The following SGCZ variants were observed in gnomAD, a reference collection of about 807,000 sequenced individuals.
The protein encoded by SGCZ is zeta-sarcoglycan.
SGCZ carries 40 observed loss-of-function variants against 41.3 expected under a neutral mutation model. That is an observed-to-expected ratio of 0.97 (90% CI 0.75 to 1.26). The LOEUF (loss-of-function observed/expected upper bound fraction) is 1.26. Ranked by LOEUF, SGCZ falls within the 50% of genes most tolerant of loss-of-function variation. The pLI is 0.00. For synonymous variants in SGCZ, 206 were observed against 137.5 expected, an observed-to-expected ratio of 1.50 and a Z score of -3.49; for missense variants, 552 against 369.8, an observed-to-expected ratio of 1.49 and a Z score of -4.04.
chr8:15,222,275 A>C (rs1563192519), intron 1 of SGCZ, among the ~76,000 whole-genome samples: 1 of 152,138 alleles, frequency 6.6e-6, no homozygotes, highest in Admixed American at 6.5e-5. Context: ...GGGAGAGAGA[A>C]TCTCACTAGT....
At chr8:15,090,470 T>C (rs1806118352) in intron 1 of SGCZ, among the ~76,000 whole-genome samples, 1 of 152,156 alleles carries the variant, frequency 6.6e-6, no homozygotes, top group Non-Finnish European at 1.5e-5. Context: ...CTAAGTCATG[T>C]CCAATCAGGC....
intron 5 of SGCZ, among the ~76,000 whole-genome samples, chr8:14,148,384 ATTAGTAGTTAC>A (rs1186865379): frequency 6.6e-6 from 1 of 152,122 alleles, no homozygotes; most frequent in Admixed American, 6.5e-5. Flanking sequence ...CCAAAACGTC[ATTAGTAGTTAC>A]TATGAGCAAC....
intron 1 of SGCZ, among the ~76,000 whole-genome samples, chr8:14,782,681 T>TTATTAATAAAAAATCTGCTAATAATA (rs745738881): frequency 1.3e-5 from 2 of 152,052 alleles, no homozygotes; most frequent in Non-Finnish European, 2.9e-5. Flanking sequence ...GAGATGGTTA[T>TTATTAATAAAAAATCTGCTAATAATA]AGAAAAAAAA....
At chr8:14,459,598 CA>C (rs1373544072) in intron 2 of SGCZ, among the ~76,000 whole-genome samples, 1 of 151,902 alleles carries the variant, frequency 6.6e-6, no homozygotes, top group Non-Finnish European at 1.5e-5. Context: ...GTATCTATCT[CA>C]AGACATTTAT....
chr8:14,758,203 G>A (rs957244663), intron 1 of SGCZ, among the ~76,000 whole-genome samples: 2 of 152,092 alleles, frequency 1.3e-5, no homozygotes. Flanking sequence ...TCATCTGCCT[G>A]GTTTACAAAT....
intron 1 of SGCZ, among the ~76,000 whole-genome samples, chr8:14,671,080 C>T (rs376970665): frequency 1.3e-5 from 2 of 152,228 alleles, no homozygotes; most frequent in Non-Finnish European, 2.9e-5. Context: ...TCCTCTTCTT[C>T]AGTGTCTCTG....
At chr8:14,954,147 A>G (rs1800726331) in intron 1 of SGCZ, among the ~76,000 whole-genome samples, 1 of 152,224 alleles carries the variant, frequency 6.6e-6, no homozygotes, top group African/African-American at 2.4e-5. Context: ...AGACTTGTCT[A>G]AAGTACAGCT....
At chr8:14,554,233 T>C (rs570182945) in intron 2 of SGCZ, among the ~76,000 whole-genome samples, 2 of 152,196 alleles carry the variant, frequency 1.3e-5, no homozygotes, top group South Asian at 4.1e-4. Context: ...TAGGCATTAG[T>C]CAATGTACTT....
intron 2 of SGCZ, among the ~76,000 whole-genome samples, chr8:14,462,616 T>C (rs181204823): frequency 6.6e-6 from 1 of 152,198 alleles, no homozygotes; most frequent in African/African-American, 2.4e-5. Flanking sequence ...TATTGATTAC[T>C]GTAGCTTTAA....
chr8:15,085,776 G>C (rs186547422), intron 1 of SGCZ, among the ~76,000 whole-genome samples: 2 of 151,978 alleles, frequency 1.3e-5, no homozygotes, highest in Non-Finnish European at 2.9e-5. Context: ...CCATTCTTCT[G>C]ACAAGGGACT....
chr8:14,697,599 T>A (rs769568353), intron 1 of SGCZ, among the ~76,000 whole-genome samples: 1 of 151,988 alleles, frequency 6.6e-6, no homozygotes, highest in Non-Finnish European at 1.5e-5. Flanking sequence ...TTTCACTTTG[T>A]CTCAGGCATA....
At chr8:15,057,196 C>A (rs1232140633) in intron 1 of SGCZ, among the ~76,000 whole-genome samples, 1 of 152,186 alleles carries the variant, frequency 6.6e-6, no homozygotes, top group Non-Finnish European at 1.5e-5. Context: ...GGTGGCTTCA[C>A]CCCTTGTGCA....
intron 1 of SGCZ, among the ~76,000 whole-genome samples, chr8:15,042,120 G>A (rs1033173217): frequency 6.6e-6 from 1 of 152,174 alleles, no homozygotes; most frequent in African/African-American, 2.4e-5. Context: ...TAAAGACACT[G>A]TCTTTACCAG....
chr8:14,634,499 A>T (rs1005590076), intron 1 of SGCZ, among the ~76,000 whole-genome samples: 3 of 151,892 alleles, frequency 2.0e-5, no homozygotes, highest in Non-Finnish European at 4.4e-5. Flanking sequence ...GCAGAAAAAT[A>T]CTAAAATAAA....
At position 14,916,224 on chromosome 8, in the gene SGCZ, CCTAT is replaced by C. The variant is rs371169045; in HGVS notation, c.39+321357_39+321360del. 5.0e-4 allele frequency among the ~76,000 whole-genome samples: 76 copies of C among 152,234 alleles called. 2 individuals are homozygous for C. The highest frequency in any genetic ancestry group is 4.6e-3 in the East Asian group (24 of 5,180). ...GAGATTTCTACTAAAATTCTGATTTCCTATCTATTACCTTAAGATTATATAATGT... is the reference window on the plus strand; with the variant it reads ...GAGATTTCTACTAAAATTCTGATTTCCTATTACCTTAAGATTATATAATGT... On this transcript the variant is annotated intron_variant, in intron 1 of 7. Coordinates refer to ENST00000382080, the MANE Select transcript of SGCZ (RefSeq NM_139167.4).
At chr8:14,412,968 G>T (rs1799400531) in intron 2 of SGCZ, among the ~76,000 whole-genome samples, 1 of 151,770 alleles carries the variant, frequency 6.6e-6, no homozygotes, top group Non-Finnish European at 1.5e-5. Context: ...CAAATAGCTA[G>T]CATTCATAAT....
intron 1 of SGCZ, among the ~76,000 whole-genome samples, chr8:14,743,330 A>G (rs1233428224): frequency 6.6e-6 from 1 of 152,082 alleles, no homozygotes; most frequent in African/African-American, 2.4e-5. Flanking sequence ...TGAAAACTAT[A>G]TTTACAAATA....
chr8:14,937,747 T>C (rs1325445527), intron 1 of SGCZ, among the ~76,000 whole-genome samples: 4 of 152,134 alleles, frequency 2.6e-5, no homozygotes, highest in Non-Finnish European at 5.9e-5. Flanking sequence ...TTTTGTCAAA[T>C]ACATATTTTT....
At chr8:14,687,957 A>AT (rs1298441992) in intron 1 of SGCZ, among the ~76,000 whole-genome samples, 1 of 152,028 alleles carries the variant, frequency 6.6e-6, no homozygotes, top group Admixed American at 6.6e-5. Flanking sequence ...AATGGTGAGC[A>AT]TTTTTTCATG....
Sources: allele counts gnomAD v4.1 joint callset (sites outside exome capture counted in the v4.1 genomes callset), GRCh38; gene constraint gnomAD v4.1.1; transcripts MANE v1.5; gene names NCBI Gene and HGNC (gene_info 2026-07-23, HGNC 2026-07-21).